Variants in ZBTB20 observed in about 807,000 individuals in gnomAD.
The protein encoded by ZBTB20 is zinc finger and BTB domain containing 20.
In ZBTB20, 9 loss-of-function variants were observed where a neutral mutation model predicts 56.9. The observed-to-expected ratio is 0.16, with a 90% confidence interval of 0.10 to 0.28. ZBTB20 has a LOEUF of 0.28. ZBTB20 is among the 10% of genes least tolerant of loss of function. The pLI, the probability that ZBTB20 is intolerant of heterozygous loss-of-function variation, is 1.00. For missense variants in ZBTB20, 655 were observed against 1,003.0 expected (o/e 0.65, Z 4.69); for synonymous variants, 417 against 420.7 (o/e 0.99, Z 0.11).
chr3:114,759,662 C>T (rs1523269), intron 5 of ZBTB20, among the ~76,000 whole-genome samples: 1 of 151,906 alleles, frequency 6.6e-6, no homozygotes, highest in South Asian at 2.1e-4. Flanking sequence ...TCTTATCCTG[C>T]TATGTGATAC....
rs192145031 is a variant in ZBTB20 at position 115,030,131 on chromosome 3, T to A, written c.-507+41088A>T. 5.9e-5 allele frequency among the ~76,000 whole-genome samples: 9 copies of A among 151,290 alleles called. No individual in the cohort carries two copies. In the East Asian group the frequency reaches 1.7e-3, roughly 29 times the overall value. The stretch of plus-strand genomic sequence containing the variant: ...TACATACATTATTATAGGAACTTTG[T>A]AAAATACACTTACATTTGGGTATAA... On this transcript the variant is annotated intron_variant, in intron 2 of 11. Coordinates refer to ENST00000675478, the MANE Select transcript of ZBTB20 (RefSeq NM_001348800.3).
At chr3:115,081,189 T>C (rs2082783634) in intron 1 of ZBTB20, among the ~76,000 whole-genome samples, 1 of 152,164 alleles carries the variant, frequency 6.6e-6, no homozygotes, top group Non-Finnish European at 1.5e-5. Context: ...CATCATTCTC[T>C]GGATTCTATG....
chr3:114,748,322 C>CTTTCTTTCTTTCTTTCTTTCT (rs1553807196), intron 5 of ZBTB20, among the ~76,000 whole-genome samples: 75 of 114,260 alleles, frequency 6.6e-4, no homozygotes, highest in Middle Eastern at 4.3e-3. Flanking sequence ...TTCTTTCTTT[C>CTTTCTTTCTTTCTTTCTTTCT]TTTCTTTCTT....
At chr3:114,716,005 A>G (rs1251275294) in intron 5 of ZBTB20, among the ~76,000 whole-genome samples, 1 of 152,206 alleles carries the variant, frequency 6.6e-6, no homozygotes, top group Non-Finnish European at 1.5e-5. Context: ...TCTTATAATC[A>G]TGAGCATTCT....
At chr3:115,003,904 A>C (rs2079360347) in intron 2 of ZBTB20, among the ~76,000 whole-genome samples, 1 of 151,678 alleles carries the variant, frequency 6.6e-6, no homozygotes, top group Non-Finnish European at 1.5e-5. Flanking sequence ...ACTCCAAAAA[A>C]CATTAATTTG....
chr3:114,924,718 A>C (rs188817478), intron 3 of ZBTB20, among the ~76,000 whole-genome samples: 4 of 152,322 alleles, frequency 2.6e-5, no homozygotes, highest in Admixed American at 2.6e-4. Flanking sequence ...ATCACAATGC[A>C]CACTTTCACT....
chr3:114,966,088 C>T (rs2077637639), intron 3 of ZBTB20, among the ~76,000 whole-genome samples: 1 of 152,116 alleles, frequency 6.6e-6, no homozygotes, highest in African/African-American at 2.4e-5. Flanking sequence ...AAAAGACTTT[C>T]TACAGCTTAG....
At chr3:115,070,706 T>G (rs1316469004) in intron 2 of ZBTB20, among the ~76,000 whole-genome samples, 1 of 152,106 alleles carries the variant, frequency 6.6e-6, no homozygotes, top group Non-Finnish European at 1.5e-5. Flanking sequence ...TGTAGGAGAC[T>G]TCTTCACTGA....
At chr3:114,737,299 C>T (rs1425390295) in intron 5 of ZBTB20, among the ~76,000 whole-genome samples, 1 of 152,000 alleles carries the variant, frequency 6.6e-6, no homozygotes, top group East Asian at 1.9e-4. Flanking sequence ...AGATGTCTAA[C>T]TTTTTGCCTT....
At position 114,944,632 on chromosome 3, in the gene ZBTB20, A is replaced by G. The variant is rs559386995; in HGVS notation, c.-456+29734T>C. ...AGAAAATGTGTTAAATACACACAAC[A>G]GAATAATATTCAGCCTTAGAAAATA... is the stretch of plus-strand genomic sequence containing the variant. On this transcript the variant is annotated intron_variant, in intron 3 of 11. Coordinates refer to ENST00000675478, the MANE Select transcript of ZBTB20 (RefSeq NM_001348800.3). Among the ~76,000 whole-genome samples the G allele has an allele frequency of 2.1e-5, 3 of 145,860 alleles. No homozygotes were observed. In the South Asian group the frequency reaches 6.4e-4, roughly 31 times the overall value.
At chr3:114,495,441 A>T (rs1468730810) in intron 7 of ZBTB20, among the ~76,000 whole-genome samples, 1 of 148,642 alleles carries the variant, frequency 6.7e-6, no homozygotes, top group Non-Finnish European at 1.5e-5. Context: ...GTATCAGTGC[A>T]AGTCTGTGTA....
chr3:114,778,318 C>A (rs1299692732), intron 5 of ZBTB20, among the ~76,000 whole-genome samples: 3 of 148,924 alleles, frequency 2.0e-5, no homozygotes, highest in Admixed American at 6.7e-5. Context: ...CGTTGCACTC[C>A]AGCCTCGGCA....
chr3:114,924,972 T>C (rs1011672443), intron 3 of ZBTB20, among the ~76,000 whole-genome samples: 16 of 150,328 alleles, frequency 1.1e-4, no homozygotes, highest in Non-Finnish European at 1.8e-4. Context: ...AATTCCCATT[T>C]GGTTCTTCTT....
At chr3:114,771,572 G>A (rs1174291392) in intron 5 of ZBTB20, among the ~76,000 whole-genome samples, 1 of 152,092 alleles carries the variant, frequency 6.6e-6, no homozygotes, top group Non-Finnish European at 1.5e-5. Context: ...GATTGCAGGG[G>A]TGAGCTCATT....
At chr3:114,637,093 GA>G (rs1213835130) in intron 6 of ZBTB20, among the ~76,000 whole-genome samples, 3 of 152,006 alleles carry the variant, frequency 2.0e-5, no homozygotes, top group African/African-American at 7.2e-5. Flanking sequence ...GAGACAGAGA[GA>G]AGGTCATTAT....
At chr3:114,926,226 C>T (rs185534646) in intron 3 of ZBTB20, among the ~76,000 whole-genome samples, 1 of 151,472 alleles carries the variant, frequency 6.6e-6, no homozygotes, top group Admixed American at 6.6e-5. Flanking sequence ...ATTGGAGATG[C>T]CCTCAGAAAA....
intron 6 of ZBTB20, among the ~76,000 whole-genome samples, chr3:114,663,039 G>A (rs1243614535): frequency 4.7e-5 from 7 of 149,426 alleles, no homozygotes; most frequent in East Asian, 2.0e-4. Flanking sequence ...TACAGAGAAC[G>A]CCACAAAGAT....
At chr3:115,118,323 G>A (rs915362946) in intron 1 of ZBTB20, among the ~76,000 whole-genome samples, 2 of 152,146 alleles carry the variant, frequency 1.3e-5, no homozygotes, top group Admixed American at 1.3e-4. Context: ...AGCCTCTGCA[G>A]AGTGGCTGGA....
At chr3:114,414,374 T>G (rs1260779331) in intron 7 of ZBTB20, among the ~76,000 whole-genome samples, 1 of 152,030 alleles carries the variant, frequency 6.6e-6, no homozygotes, top group African/African-American at 2.4e-5. Context: ...AATAGCTGGG[T>G]TGGGGGAGAA....
Sources: gnomAD v4.1 joint callset for allele counts (sites outside exome capture counted in the v4.1 genomes callset) on GRCh38, gnomAD v4.1.1 for gene constraint, MANE v1.5 for transcripts, NCBI Gene and HGNC (gene_info 2026-07-23, HGNC 2026-07-21) for gene names.